ZFHX3: variants seen among roughly 807,000 people sequenced by gnomAD.
The protein encoded by ZFHX3 is zinc finger homeobox protein 3.
A neutral mutation model predicts 279.1 loss-of-function variants in ZFHX3; 42 were observed. That is an observed-to-expected ratio of 0.15 (90% CI 0.12 to 0.19). The LOEUF (loss-of-function observed/expected upper bound fraction) is 0.19. ZFHX3 is among the 10% of genes least tolerant of loss of function. ZFHX3 has a pLI of 1.00. For missense variants in ZFHX3, 4,981 were observed against 4,754.0 expected (o/e 1.05, Z -1.40); for synonymous variants, 2,293 against 1,957.8 (o/e 1.17, Z -4.52).
At chr16:73,729,398 G>A (rs1031432430) in intron 1 of ZFHX3, among the ~76,000 whole-genome samples, 43 of 152,236 alleles carry the variant, frequency 2.8e-4, no homozygotes, top group African/African-American at 9.4e-4. Flanking sequence ...GTATGATGGC[G>A]CATGCCTGTA....
At chr16:73,711,867 T>A (rs957660074) in intron 1 of ZFHX3, among the ~76,000 whole-genome samples, 1 of 152,066 alleles carries the variant, frequency 6.6e-6, no homozygotes, top group Non-Finnish European at 1.5e-5. Context: ...CTGGAAGAGA[T>A]CTCACAGCAA....
intron 2 of ZFHX3, among the ~76,000 whole-genome samples, chr16:73,475,564 C>T (rs2018751746): frequency 6.6e-6 from 1 of 151,888 alleles, no homozygotes; most frequent in African/African-American, 2.4e-5. Flanking sequence ...CTCAAAGTTG[C>T]ACTTTAATGC....
At chr16:73,277,201 A>C (rs909724591) in intron 4 of ZFHX3, among the ~76,000 whole-genome samples, 253 of 152,342 alleles carry the variant, frequency 1.7e-3, no homozygotes, top group African/African-American at 5.4e-3. Flanking sequence ...TGATCTCAGC[A>C]TTTTAATCAT....
At chr16:72,899,890 G>T (rs997077245) in intron 3 of ZFHX3, among the ~76,000 whole-genome samples, 8 of 152,056 alleles carry the variant, frequency 5.3e-5, no homozygotes, top group African/African-American at 1.9e-4. Flanking sequence ...GGATGGAAAC[G>T]AACATCTACT....
At chr16:72,924,661 T>C (rs1959345969) in intron 3 of ZFHX3, among the ~76,000 whole-genome samples, 1 of 152,108 alleles carries the variant, frequency 6.6e-6, no homozygotes, top group African/African-American at 2.4e-5. Flanking sequence ...CAACAGGCTG[T>C]TGAATGCCAA....
chr16:73,355,147 C>G (rs904108372), intron 3 of ZFHX3, among the ~76,000 whole-genome samples: 2 of 152,270 alleles, frequency 1.3e-5, no homozygotes, highest in East Asian at 1.9e-4. Context: ...AACCTTGAAC[C>G]GAGATTCCAT....
At chr16:73,560,604 C>A (rs1328144677) in intron 2 of ZFHX3, among the ~76,000 whole-genome samples, 9 of 152,134 alleles carry the variant, frequency 5.9e-5, no homozygotes, top group Admixed American at 3.3e-4. Flanking sequence ...AGGATAAAAT[C>A]CCTGGGGAAT....
chr16:73,832,205 C>CTT (rs59475247), intron 1 of ZFHX3, among the ~76,000 whole-genome samples: 4,939 of 146,258 alleles, frequency 0.034, 290 homozygotes, highest in African/African-American at 0.11. Flanking sequence ...ACCTCATATG[C>CTT]TTTTTTTTTT....
chr16:73,530,156 T>A (rs556128084), intron 2 of ZFHX3, among the ~76,000 whole-genome samples: 1 of 152,240 alleles, frequency 6.6e-6, no homozygotes, highest in African/African-American at 2.4e-5. Context: ...ACGTCTTACA[T>A]GGTGGCAGGC....
intron 1 of ZFHX3, among the ~76,000 whole-genome samples, chr16:73,753,612 G>A (rs2053779949): frequency 6.6e-6 from 1 of 152,164 alleles, no homozygotes; most frequent in African/African-American, 2.4e-5. Context: ...GCTCAGCAAG[G>A]TAGCAGTACC....
At chr16:73,058,467 G>A (rs1164471816) in intron 1 of ZFHX3, 141 of 178,254 alleles carry the variant, frequency 7.9e-4, no homozygotes, top group Non-Finnish European at 1.5e-3. Context: ...GCGGCGGGAG[G>A]AGGAGGAGGA....
At chr16:73,580,508 CAAAA>C (rs1555525963) in intron 2 of ZFHX3, among the ~76,000 whole-genome samples, 5 of 140,204 alleles carry the variant, frequency 3.6e-5, no homozygotes, top group East Asian at 2.1e-4. Flanking sequence ...AACAAACAAA[CAAAA>C]AAAAAAAAAC....
chr16:73,619,267 T>A (rs56090446), intron 2 of ZFHX3, among the ~76,000 whole-genome samples: 22,863 of 151,832 alleles, frequency 0.15, 2,056 homozygotes, highest in Non-Finnish European at 0.18. Flanking sequence ...GGCAGGTGGA[T>A]CATGAGGTCA....
chr16:72,941,847 T>G (rs1401781286), intron 3 of ZFHX3, among the ~76,000 whole-genome samples: 2 of 152,196 alleles, frequency 1.3e-5, no homozygotes, highest in East Asian at 1.9e-4. Context: ...AATTTTAACT[T>G]TCATTCTACA....
At chr16:72,820,960 T>C (rs2036776630) in intron 5 of ZFHX3, among the ~76,000 whole-genome samples, 1 of 152,068 alleles carries the variant, frequency 6.6e-6, no homozygotes, top group African/African-American at 2.4e-5. Context: ...TTAGTTAGGG[T>C]CTTTGAGCCC....
chr16:73,775,327 G>C (rs992123353), intron 1 of ZFHX3, among the ~76,000 whole-genome samples: 2 of 152,060 alleles, frequency 1.3e-5, no homozygotes, highest in Admixed American at 6.6e-5. Context: ...TCCTATTGTA[G>C]CACCAATATA....
intron 1 of ZFHX3, among the ~76,000 whole-genome samples, chr16:73,790,612 G>A (rs970150746): frequency 6.6e-6 from 1 of 152,326 alleles, no homozygotes; most frequent in Admixed American, 6.5e-5. Context: ...GGTGCTTTCT[G>A]TGGCATCACT....
At chr16:73,727,354 T>A (rs1041230328) in intron 1 of ZFHX3, among the ~76,000 whole-genome samples, 1 of 152,188 alleles carries the variant, frequency 6.6e-6, no homozygotes, top group South Asian at 2.1e-4. Flanking sequence ...ACAACTGGGG[T>A]AACCGAGTAT....
chr16:73,836,969 T>G (rs1238803522), intron 1 of ZFHX3, among the ~76,000 whole-genome samples: 1 of 152,234 alleles, frequency 6.6e-6, no homozygotes, highest in African/African-American at 2.4e-5. Flanking sequence ...ACGTGCAGCA[T>G]GAGACCTTCA....
Sources: allele counts gnomAD v4.1 joint callset (sites outside exome capture counted in the v4.1 genomes callset), GRCh38; gene constraint gnomAD v4.1.1; transcripts MANE v1.5; gene names NCBI Gene and HGNC (gene_info 2026-07-23, HGNC 2026-07-21).